MAP3K13: variants seen among roughly 807,000 people sequenced by gnomAD.
MAP3K13 encodes leucine zipper-bearing kinase.
MAP3K13 carries 52 observed loss-of-function variants against 104.0 expected under a neutral mutation model. The ratio of observed to expected loss-of-function variants is 0.50; its 90% CI spans 0.40 to 0.63. The LOEUF (loss-of-function observed/expected upper bound fraction) is 0.63. Ranked by LOEUF, MAP3K13 falls within the 20% of genes least tolerant of loss-of-function variation. The probability of loss-of-function intolerance (pLI) is 0.00; values close to 1 mark genes in which losing one functional copy is unlikely to be tolerated. For missense variants in MAP3K13, 914 were observed against 1,218.5 expected, an observed-to-expected ratio of 0.75 and a Z score of 3.72; for synonymous variants, 394 against 442.2, an observed-to-expected ratio of 0.89 and a Z score of 1.37.
At chr3:185,360,885 G>C (rs1723580037), upstream of MAP3K13, among the ~76,000 whole-genome samples, 1 of 138,618 alleles carries the variant, frequency 7.2e-6, no homozygotes, top group South Asian at 2.3e-4. Context: ...GGAGTGCAGT[G>C]GTGTGATCTC....
chr3:185,338,368 C>T (rs547942943), intron 2 of MAP3K13, among the ~76,000 whole-genome samples: 23 of 149,424 alleles, frequency 1.5e-4, no homozygotes, highest in Non-Finnish European at 5.9e-5. Flanking sequence ...ACAAGTGGCT[C>T]ATATGGGTGT....
chr3:185,389,044 AGT>A (rs1323468778), intron 1 of MAP3K13, among the ~76,000 whole-genome samples: 3 of 152,168 alleles, frequency 2.0e-5, no homozygotes, highest in Non-Finnish European at 4.4e-5. Context: ...TTTAGACATC[AGT>A]GTATGAGAGT....
intron 2 of MAP3K13, chr3:185,293,034 T>G: frequency 1.0e-6 from 1 of 985,352 alleles, no homozygotes; most frequent in Non-Finnish European, 1.2e-6. Flanking sequence ...TGTGAACGTG[T>G]GTGTACTTGG....
chr3:185,415,573 A>ATTTTTT lies in MAP3K13; in HGVS notation c.-85-12921_-85-12920insTTTTTT, dbSNP rs34633048. ...CACAGTATTAAAACCAGAAGGGTTA[A>ATTTTTT]TTTCTTTTTTTTTTTTTTTTTTTTT... On this transcript the variant is annotated intron_variant, in intron 1 of 13. Coordinates refer to ENST00000265026, the MANE Select transcript of MAP3K13 (RefSeq NM_004721.5). 9.2e-5 allele frequency among the ~76,000 whole-genome samples: 11 copies of ATTTTTT among 119,452 alleles called. 2 individuals carry two copies. Among genetic ancestry groups the ATTTTTT allele is most frequent in the South Asian group, 2.9e-4 (1 of 3,406 alleles). The allele number at this position is 119,452 out of a possible 152,430, so 78.4% of individuals were successfully genotyped here. A position where few individuals can be genotyped will look rare whatever the true frequency, so the allele number is the denominator to read the frequency against.
intron 10 of MAP3K13, among the ~76,000 whole-genome samples, chr3:185,468,054 G>T (rs1022657690): frequency 6.6e-6 from 1 of 152,028 alleles, no homozygotes; most frequent in African/African-American, 2.4e-5. Context: ...ACTATCATGA[G>T]AACAGCACCG....
chr3:185,302,118 T>C (rs1341942040), intron 2 of MAP3K13, among the ~76,000 whole-genome samples: 3 of 152,080 alleles, frequency 2.0e-5, no homozygotes, highest in African/African-American at 7.2e-5. Flanking sequence ...TAATAATAAG[T>C]CTTGCCAGGC....
chr3:185,405,522 T>A (rs1713062994), intron 1 of MAP3K13, among the ~76,000 whole-genome samples: 1 of 152,256 alleles, frequency 6.6e-6, no homozygotes, highest in Admixed American at 6.5e-5. Context: ...GAAAATGCTA[T>A]TTATTTTCTT....
upstream of MAP3K13, among the ~76,000 whole-genome samples, chr3:185,361,074 ATATGTG>A (rs963333371): frequency 6.1e-5 from 8 of 131,104 alleles, no homozygotes; most frequent in African/African-American, 2.2e-4. Flanking sequence ...TTTTATATGT[ATATGTG>A]TATGTGTATA....
At chr3:185,369,572 A>T (rs1486334926) in intron 1 of MAP3K13, among the ~76,000 whole-genome samples, 1 of 152,206 alleles carries the variant, frequency 6.6e-6, no homozygotes, top group African/African-American at 2.4e-5. Context: ...CTCCCATAGT[A>T]TCACCACTGA....
At chr3:185,478,853 CAG>C (rs1290649559) in intron 12 of MAP3K13, among the ~76,000 whole-genome samples, 1 of 145,210 alleles carries the variant, frequency 6.9e-6, no homozygotes, top group Non-Finnish European at 1.5e-5. Context: ...GCCTGGGCGA[CAG>C]AGTGAGACTC....
chr3:185,452,563 T>A (rs1715953467), intron 7 of MAP3K13, among the ~76,000 whole-genome samples: 1 of 152,172 alleles, frequency 6.6e-6, no homozygotes, highest in Non-Finnish European at 1.5e-5. Context: ...CTTAGAACAG[T>A]AAGCATTTAT....
chr3:185,301,237 T>C (rs552276748), intron 2 of MAP3K13, among the ~76,000 whole-genome samples: 1 of 152,256 alleles, frequency 6.6e-6, no homozygotes, highest in South Asian at 2.1e-4. Context: ...GTTGAGGATC[T>C]TTTCATATGT....
intron 7 of MAP3K13, among the ~76,000 whole-genome samples, chr3:185,457,024 C>A (rs1716795413): frequency 6.6e-6 from 1 of 152,128 alleles, no homozygotes; most frequent in African/African-American, 2.4e-5. Flanking sequence ...GAAAAACTTC[C>A]AGTTCTGAAC....
At chr3:185,410,145 G>C (rs1004687940) in intron 1 of MAP3K13, among the ~76,000 whole-genome samples, 2 of 152,164 alleles carry the variant, frequency 1.3e-5, no homozygotes, top group African/African-American at 4.8e-5. Flanking sequence ...ACCTCCTGCT[G>C]TGCAGCCTGG....
At chr3:185,324,775 A>T (rs1390135860) in intron 2 of MAP3K13, among the ~76,000 whole-genome samples, 2 of 150,626 alleles carry the variant, frequency 1.3e-5, no homozygotes, top group Non-Finnish European at 3.0e-5. Flanking sequence ...TAAACTCTTT[A>T]AAAAAATGAT....
intron 1 of MAP3K13, among the ~76,000 whole-genome samples, chr3:185,371,473 A>G (rs6444061): frequency 0.84 from 127,278 of 152,242 alleles, 53,960 homozygotes; most frequent in Non-Finnish European, 0.91. Context: ...AATGTAGAAC[A>G]TCCTGCTGAC....
chr3:185,323,333 C>CTTT (rs869206853), intron 2 of MAP3K13, among the ~76,000 whole-genome samples: 11 of 134,318 alleles, frequency 8.2e-5, no homozygotes, highest in South Asian at 2.4e-4. Context: ...TTTGGCATAC[C>CTTT]TTTTTTTTTT....
intron 8 of MAP3K13, among the ~76,000 whole-genome samples, chr3:185,465,026 G>A (rs573688718): frequency 6.6e-6 from 1 of 152,230 alleles, no homozygotes; most frequent in South Asian, 2.1e-4. Flanking sequence ...CTGTCGCTTA[G>A]GCTGGAGTGC....
intron 1 of MAP3K13, among the ~76,000 whole-genome samples, chr3:185,368,783 C>G (rs1235951992): frequency 6.6e-6 from 1 of 151,980 alleles, no homozygotes; most frequent in Non-Finnish European, 1.5e-5. Context: ...ACGGAGAAAC[C>G]CTGTCTCTAC....
Sources: allele counts gnomAD v4.1 joint callset (sites outside exome capture counted in the v4.1 genomes callset), GRCh38; gene constraint gnomAD v4.1.1; transcripts MANE v1.5; gene names NCBI Gene and HGNC (gene_info 2026-07-23, HGNC 2026-07-21).